RINL: variants seen among roughly 807,000 people sequenced by gnomAD.
RINL encodes ras and Rab interactor-like protein.
In RINL, 39 loss-of-function variants were observed where a neutral mutation model predicts 58.1. The ratio of observed to expected loss-of-function variants is 0.67; its 90% confidence interval spans 0.52 to 0.88. RINL has a LOEUF of 0.88. Ranked by LOEUF, RINL falls within the 40% of genes least tolerant of loss-of-function variation. The probability of loss-of-function intolerance (pLI) is 0.00; values close to 1 mark genes in which losing one functional copy is unlikely to be tolerated. For synonymous variants in RINL, 286 were observed against 323.1 expected, an observed-to-expected ratio of 0.89 and a Z score of 1.23; for missense variants, 711 against 749.2, an observed-to-expected ratio of 0.95 and a Z score of 0.60.
Position 38,869,865 on chromosome 19 carries a change from C to T in RINL, c.1342+78G>A, listed in dbSNP as rs1441005804. The T allele has an allele frequency of 2.2e-5, 33 of 1,527,022 alleles. No homozygotes were observed. The highest frequency in any genetic ancestry group is 2.1e-4 in the African/African-American group (15 of 72,766). The allele number at this position is 1,527,022 out of a possible 1,614,324, so 94.6% of individuals were successfully genotyped here. On this transcript the variant is annotated intron_variant, in intron 9 of 11. Transcript: ENST00000591812. The surrounding 1 kb of genome is among the most constrained non-coding windows in gnomAD (Gnocchi z 5.7). The stretch of plus-strand genomic sequence containing the variant: ...TCTTCAGGACCGCATAGATTCCTCC[C>T]ACCAGTGCTACCCTCTCCCGCCTGG...
rs1480674990 is a variant in RINL at position 38,876,447 on chromosome 19, CT to C, written c.93del (p.Val33SerfsTer5). On this transcript the variant is annotated frameshift_variant, in exon 3 of 12. Transcript: ENST00000591812. LOFTEE classifies it high-confidence loss of function. The part of the protein sequence containing the change: ...PQVNKADRTP[L>X]GVLSTLEPLT... ...AGTGGCTCTAGGGTGCTGAGGACCC[CT>C]AGAGGGGTCCTGTCTGCTTTGTTCA... is the stretch of plus-strand genomic sequence containing the variant. 3 of 1,536,038 alleles carry C rather than the reference CT, an allele frequency of 2.0e-6. No individual in the cohort carries two copies. The Admixed American group carries it at 5.9e-5, about 30-fold the overall frequency.
intron 1 of RINL, among the ~76,000 whole-genome samples, chr19:38,877,443 C>G (rs1689637963): frequency 1.3e-5 from 2 of 152,278 alleles, no homozygotes; most frequent in Admixed American, 1.3e-4. Flanking sequence ...GTAGGCAGTC[C>G]CTATATCTGG....
chr19:38,875,225 T>TC (rs1568389121), intron 3 of RINL, among the ~76,000 whole-genome samples: 2 of 149,218 alleles, frequency 1.3e-5, no homozygotes. Context: ...TTTTTTTTTT[T>TC]TTTTTAATAG....
At chr19:38,877,229 C>T (rs1027667001) in intron 1 of RINL, among the ~76,000 whole-genome samples, 1 of 152,164 alleles carries the variant, frequency 6.6e-6, no homozygotes, top group Non-Finnish European at 1.5e-5. Flanking sequence ...GGGGTTAAAT[C>T]TTTAGTACCG....
intron 1 of RINL, among the ~76,000 whole-genome samples, 199 bp from the exon 2 acceptor site, chr19:38,876,980 C>T (rs1360981566): frequency 6.6e-6 from 1 of 152,204 alleles, no homozygotes; most frequent in Non-Finnish European, 1.5e-5. Context: ...GTGGCACGAT[C>T]TCAGCTCACT....
In RINL at chr19:38,869,641, A is replaced by G. The variant is rs547809211; in HGVS notation, c.1406T>C (p.Ile469Thr). ...LTEELIWSPD[I>T]GDTQLDVEFL... is the part of the protein sequence containing the mutation. ...CTCTACGTCCAGCTGCGTGTCCCCAATGTCCGGGCTCCAGATGAGTTCCTC... is the reference window on the plus strand; with the variant it reads ...CTCTACGTCCAGCTGCGTGTCCCCAGTGTCCGGGCTCCAGATGAGTTCCTC... Residue 469 changes from isoleucine to threonine, a missense_variant, in exon 10 of 12, where the codon ATT (isoleucine) becomes ACT (threonine). Ile to Thr is a moderately conservative substitution (Grantham distance 89). Transcript: ENST00000591812. The surrounding 1 kb of genome is among the most constrained non-coding windows in gnomAD (Gnocchi z 5.7). 54 of 1,613,646 alleles carry G rather than the reference A, an allele frequency of 3.3e-5. No homozygotes were observed. The highest frequency in any genetic ancestry group is 8.9e-5 in the East Asian group (4 of 44,844).
At position 38,870,125 on chromosome 19, in the gene RINL, GC is replaced by G. The variant is rs1199250702; in HGVS notation, c.1159del (p.Ala387ArgfsTer73). On this transcript the variant is annotated frameshift_variant, in exon 9 of 12. Coordinates refer to ENST00000591812, the MANE Select transcript of RINL (RefSeq NM_001195833.2). LOFTEE classifies it high-confidence loss of function. This position sits in a 1 kb window ranked among gnomAD's most constrained non-coding sequence, Gnocchi z 5.8. ...RRRQTALRAG[A>X]GPPGAQGPGP... ...CGGCCCCTGTGCCCCCGGAGGCCCC[GC>G]CCCCGCCCGCAGGGCTGTCTGTCGC... 1 of 1,420,514 alleles carries G rather than the reference GC, an allele frequency of 7.0e-7. No individual in the cohort carries two copies. The highest frequency in any genetic ancestry group is 9.1e-7 in the Non-Finnish European group (1 of 1,097,798). The allele number at this position is 1,420,514 out of a possible 1,614,324, so 88.0% of individuals were successfully genotyped here. A position where few individuals can be genotyped will look rare whatever the true frequency, so the allele number is the denominator to read the frequency against.
Position 38,869,488 on chromosome 19 carries a change from G to T in RINL, c.1475-78C>A. 3 of 1,586,208 alleles carry T rather than the reference G, an allele frequency of 1.9e-6. No homozygotes were observed. Among genetic ancestry groups the T allele is most frequent in the Admixed American group, 3.5e-5 (2 of 57,182 alleles). On this transcript the variant is annotated intron_variant, in intron 10 of 11. Transcript: ENST00000591812. The surrounding 1 kb of genome is among the most constrained non-coding windows in gnomAD (Gnocchi z 5.7). ...CAAATCCCCCTGCAGTTTGCCTGCC[G>T]TCCCTCCTGCTGCGGGGGGAGGCTG...
chr19:38,870,722 C>G lies in RINL; in HGVS notation c.872G>C (p.Gly291Ala). 6.2e-7 allele frequency: 1 copy of G among 1,613,492 alleles called. No homozygotes were observed. Among genetic ancestry groups the G allele is most frequent in the Non-Finnish European group, 8.5e-7 (1 of 1,179,932 alleles). ...GGCCGGGTCCCCAGACCCGTGGGGA[C>G]CCCCAGAATCTGAGGCGATGCGCAC... Reference protein sequence around the residue: ...LRVRIASDSGGPHGSGDPATE... With the variant: ...LRVRIASDSGAPHGSGDPATE... The change falls in exon 8 of 12, where the codon GGT becomes GCT. Residue 291 changes from glycine to alanine, a missense_variant. Transcript: ENST00000591812. The surrounding 1 kb of genome is among the most constrained non-coding windows in gnomAD (Gnocchi z 5.8).
At position 38,868,962 on chromosome 19, in the gene RINL, T is replaced by G; in HGVS notation, c.*142A>C. The G allele has an allele frequency of 3.9e-6, 3 of 760,398 alleles. No individual in the cohort carries two copies. Among genetic ancestry groups the G allele is most frequent in the Admixed American group, 2.9e-5 (1 of 34,520 alleles). 47.1% of individuals were successfully genotyped at this position (760,398 alleles called of 1,614,324 possible). ...GAGTACGCCACCACGCCCGGCTAAT[T>G]TTTGTTTTTTTTTTTTTTTGGTAGA... On this transcript the variant is annotated 3_prime_UTR_variant, in exon 12 of 12. Transcript: ENST00000591812.
chr19:38,874,761 G>A (rs8108906), intron 3 of RINL, among the ~76,000 whole-genome samples: 83,747 of 152,088 alleles, frequency 0.55, 23,163 homozygotes, highest in East Asian at 0.76. Context: ...CCAGCCATGA[G>A]TATGATTGAT....
Position 38,868,966 on chromosome 19 carries a change from GTTT to G in RINL, c.*135_*137del, listed in dbSNP as rs77319151. The G allele has an allele frequency of 5.5e-4, 308 of 562,988 alleles. No individual in the cohort carries two copies. Among genetic ancestry groups the G allele is most frequent in the Middle Eastern group, 1.3e-3 (3 of 2,244 alleles). The allele number at this position is 562,988 out of a possible 1,614,324, so 34.9% of individuals were successfully genotyped here. A position where few individuals can be genotyped will look rare whatever the true frequency, so the allele number is the denominator to read the frequency against. ...ACGCCACCACGCCCGGCTAATTTTT[GTTT>G]TTTTTTTTTTTTGGTAGATGGGGGT... On this transcript the variant is annotated 3_prime_UTR_variant, in exon 12 of 12. Transcript: ENST00000591812.
Position 38,873,991 on chromosome 19 carries a change from G to A in RINL, c.211-3C>T, listed in dbSNP as rs774295931. The A allele has an allele frequency of 1.4e-5, 22 of 1,522,380 alleles. 1 individual carries two copies. The South Asian group carries it at 2.0e-4, about 14-fold the overall frequency. The allele number at this position is 1,522,380 out of a possible 1,614,324, so 94.3% of individuals were successfully genotyped here. A position where few individuals can be genotyped will look rare whatever the true frequency, so the allele number is the denominator to read the frequency against. On this transcript the variant is annotated splice_polypyrimidine_tract_variant and splice_region_variant and intron_variant, in intron 3 of 11. Coordinates refer to ENST00000591812, the MANE Select transcript of RINL (RefSeq NM_001195833.2). ...TCACGTCCTGTGACCAAGAAACTCTGGGGGATAGAGACAAAGGCCAGCGTG... is the reference window on the plus strand; with the variant it reads ...TCACGTCCTGTGACCAAGAAACTCTAGGGGATAGAGACAAAGGCCAGCGTG...
Position 38,870,463 on chromosome 19 carries a change from T to G in RINL, c.1024+107A>C. On this transcript the variant is annotated intron_variant, in intron 8 of 11. Coordinates refer to ENST00000591812, the MANE Select transcript of RINL (RefSeq NM_001195833.2). This position sits in a 1 kb window ranked among gnomAD's most constrained non-coding sequence, Gnocchi z 5.8. ...TACGTGGGCGATAGAACGCGTGGGA[T>G]GTGTAGGAAGGGCGTGTGGGTGCAG... The G allele has an allele frequency of 7.7e-7, 1 of 1,297,320 alleles. No individual in the cohort carries two copies. Among genetic ancestry groups the G allele is most frequent in the Non-Finnish European group, 1.0e-6 (1 of 967,360 alleles). The allele number at this position is 1,297,320 out of a possible 1,614,324, so 80.4% of individuals were successfully genotyped here.
intron 4 of RINL, among the ~76,000 whole-genome samples, chr19:38,872,221 C>G (rs184377808): frequency 2.1e-4 from 32 of 152,276 alleles, no homozygotes; most frequent in African/African-American, 7.2e-4. Context: ...TACGGTGGCT[C>G]ACGCCTGTAA....
intron 4 of RINL, 137 bp from the exon 5 acceptor site, chr19:38,872,007 G>A: frequency 4.4e-6 from 3 of 689,490 alleles, no homozygotes; most frequent in Non-Finnish European, 5.2e-6. Flanking sequence ...ACTCTTTGGA[G>A]TCTCCATCTT....
chr19:38,875,214 C>T (rs868801106), intron 3 of RINL, among the ~76,000 whole-genome samples: 1,771 of 129,242 alleles, frequency 0.014, 15 homozygotes, highest in South Asian at 0.05. Context: ...TTTCTTTTTT[C>T]TTTTTTTTTT....
rs774018663 is a variant in RINL, at chr19:38,870,094, C to T, written c.1191G>A (p.Pro397=). 2.0e-6 allele frequency: 3 copies of T among 1,469,132 alleles called. No individual in the cohort carries two copies. The highest frequency in any genetic ancestry group is 2.7e-6 in the Non-Finnish European group (3 of 1,118,908). The allele number at this position is 1,469,132 out of a possible 1,614,324, so 91.0% of individuals were successfully genotyped here. A position where few individuals can be genotyped will look rare whatever the true frequency, so the allele number is the denominator to read the frequency against. The stretch of plus-strand genomic sequence containing the variant: ...AGGCGGGGGCGGGGCTCTGCCCTTC[C>T]GGTCCCGGCCCCTGTGCCCCCGGAG... ...AGPPGAQGPG[P]EGQSPAPALR... Residue 397 remains proline (P), a synonymous_variant, in exon 9 of 12, where the codon CCG becomes CCA. Transcript: ENST00000591812. This position sits in a 1 kb window ranked among gnomAD's most constrained non-coding sequence, Gnocchi z 5.8.
Position 38,870,021 on chromosome 19 carries a change from C to G in RINL, c.1264G>C (p.Ala422Pro). ...AGGAGCGCCACCTTGCGGCGCGGGG[C>G]GCAGGCAGCGTGGAGGTGCGCAAGG... ...ERLAHLHAACAPRRKVALLLE... is the reference protein window; with the variant it reads ...ERLAHLHAACPPRRKVALLLE... Residue 422 changes from alanine (A) to proline (P), a missense_variant, in exon 9 of 12, where the codon GCC (alanine) becomes CCC (proline). By Grantham distance (27) the Ala-to-Pro change is conservative (BLOSUM62 -1). Transcript: ENST00000591812. The surrounding 1 kb of genome is among the most constrained non-coding windows in gnomAD (Gnocchi z 5.8). 1.3e-6 allele frequency: 2 copies of G among 1,575,646 alleles called. No homozygotes were observed. Among genetic ancestry groups the G allele is most frequent in the Non-Finnish European group, 8.6e-7 (1 of 1,163,880 alleles).
Sources: gnomAD v4.1 joint callset for allele counts (sites outside exome capture counted in the v4.1 genomes callset) on GRCh38, gnomAD v4.1.1 for gene constraint, Gnocchi (gnomAD v3.1) non-coding constraint, MANE v1.5 for transcripts, NCBI Gene and HGNC (gene_info 2026-07-23, HGNC 2026-07-21) for gene names.